Variants in ABCC4 observed in about 807,000 individuals in gnomAD.
The protein encoded by ABCC4 is ATP binding cassette subfamily C member 4 (PEL blood group).
A neutral mutation model predicts 168.5 loss-of-function variants in ABCC4; 102 were observed. The ratio of observed to expected loss-of-function variants is 0.61; its 90% confidence interval spans 0.52 to 0.71. ABCC4 has a LOEUF of 0.71. Among genes scored for constraint, ABCC4 ranks in the 30% least tolerant of loss-of-function variants. The pLI, the probability that ABCC4 is intolerant of heterozygous loss-of-function variation, is 0.00. For missense variants in ABCC4, 1,402 were observed against 1,605.8 expected (o/e 0.87, Z 2.17); for synonymous variants, 617 against 590.7 (o/e 1.04, Z -0.65).
At chr13:95,235,479 TACAA>T (rs2039740176) in intron 3 of ABCC4, among the ~76,000 whole-genome samples, 2 of 152,134 alleles carry the variant, frequency 1.3e-5, no homozygotes, top group African/African-American at 4.8e-5. Flanking sequence ...GGAATTTGCT[TACAA>T]ACAGACACCC....
intron 30 of ABCC4, among the ~76,000 whole-genome samples, chr13:95,022,148 T>G (rs145361918): frequency 1.3e-5 from 2 of 152,248 alleles, no homozygotes; most frequent in Admixed American, 6.5e-5. Flanking sequence ...ATTGAAATGC[T>G]GGCATATACG....
intron 1 of ABCC4, among the ~76,000 whole-genome samples, 187 bp downstream of exon 1, chr13:95,301,054 C>A (rs2138982133): frequency 6.6e-6 from 1 of 152,168 alleles, no homozygotes; most frequent in Admixed American, 6.5e-5. Flanking sequence ...CAGGCAGGGA[C>A]CACGCGGCCG....
intron 2 of ABCC4, 21 bp from the exon 3 acceptor site, chr13:95,247,116 C>T (rs201518360): frequency 3.1e-6 from 5 of 1,605,708 alleles, no homozygotes; most frequent in African/African-American, 2.7e-5. Flanking sequence ...GAAAAAGCTT[C>T]GTAAATAAGA....
intron 4 of ABCC4, among the ~76,000 whole-genome samples, chr13:95,211,905 C>A (rs1446515470): frequency 6.6e-6 from 1 of 152,182 alleles, no homozygotes; most frequent in East Asian, 1.9e-4. Flanking sequence ...AATGGCCGGG[C>A]GCGGTGGCTC....
chr13:95,217,132 C>T (rs1027656532), intron 4 of ABCC4, among the ~76,000 whole-genome samples: 4 of 152,178 alleles, frequency 2.6e-5, no homozygotes, highest in Non-Finnish European at 1.5e-5. Flanking sequence ...CAAGGAAATA[C>T]ATTTGAGATT....
At chr13:95,263,785 T>A (rs1383075525) in intron 1 of ABCC4, among the ~76,000 whole-genome samples, 4 of 151,510 alleles carry the variant, frequency 2.6e-5, no homozygotes, top group African/African-American at 9.7e-5. Context: ...ATCGTGCCAC[T>A]GTACTTCAGC....
At position 95,103,869 on chromosome 13, in the gene ABCC4, T is replaced by C. The variant is rs548317171; in HGVS notation, c.2535+12053A>G. ...CTCCTCTAATGCCTTGTCTCAAACC[T>C]CCTGATGCAGCTATTCCACACTGCA... On this transcript the variant is annotated intron_variant, in intron 20 of 30. Transcript: ENST00000645237. 2.6e-5 allele frequency among the ~76,000 whole-genome samples: 4 copies of C among 152,206 alleles called. No homozygotes were observed. In the East Asian group the frequency reaches 7.7e-4, roughly 29 times the overall value.
intron 19 of ABCC4, among the ~76,000 whole-genome samples, chr13:95,147,480 C>A (rs2036538860): frequency 6.6e-6 from 1 of 152,034 alleles, no homozygotes. Context: ...GAAAGATTGC[C>A]CAGAATTAAC....
intron 1 of ABCC4, among the ~76,000 whole-genome samples, chr13:95,256,590 G>A (rs1200282954): frequency 6.6e-5 from 10 of 151,978 alleles, no homozygotes; most frequent in South Asian, 2.1e-4. Flanking sequence ...ACCCTGTCTC[G>A]ACAAAAACAT....
chr13:95,057,343 A>C (rs1189441), intron 26 of ABCC4, among the ~76,000 whole-genome samples: 5 of 152,014 alleles, frequency 3.3e-5, no homozygotes, highest in Admixed American at 3.3e-4. Context: ...GGGTTCAAGC[A>C]ATTCTCCTGC....
chr13:95,177,855 G>A, intron 12 of ABCC4, 62 bp from the exon 13 acceptor site: 2 of 1,528,230 alleles, frequency 1.3e-6, no homozygotes, highest in South Asian at 2.3e-5. Context: ...CAACAACTGG[G>A]ATGTTCATTC....
In ABCC4 at chr13:95,069,632, C is replaced by T. The variant is rs545591516; in HGVS notation, c.3210+2030G>A. On this transcript the variant is annotated intron_variant, in intron 25 of 30. Coordinates refer to ENST00000645237, the MANE Select transcript of ABCC4 (RefSeq NM_005845.5). ...CTAATGCCCATTCCCCTACCCCTGC[C>T]GCCCACCATCCTACTTTCTGTCTCC... Among the ~76,000 whole-genome samples the T allele has an allele frequency of 3.2e-4, 49 of 152,222 alleles. No individual in the cohort carries two copies. In the South Asian group the frequency reaches 9.7e-3, roughly 30 times the overall value.
At chr13:95,023,418 G>A (rs188526946) in intron 30 of ABCC4, among the ~76,000 whole-genome samples, 11 of 152,244 alleles carry the variant, frequency 7.2e-5, no homozygotes, top group Admixed American at 2.0e-4. Context: ...CTTTTTTACA[G>A]TGCAGGTGAT....
intron 26 of ABCC4, among the ~76,000 whole-genome samples, chr13:95,062,299 C>T (rs1026874476): frequency 2.0e-5 from 3 of 152,126 alleles, no homozygotes; most frequent in African/African-American, 7.2e-5. Flanking sequence ...TGGAGGTAAT[C>T]ACCTTTGAGA....
At chr13:95,044,512 G>A in intron 27 of ABCC4, 74 bp from the exon 28 acceptor site, 1 of 1,331,074 alleles carries the variant, frequency 7.5e-7, no homozygotes, top group Non-Finnish European at 1.0e-6. Flanking sequence ...ATAGACATTA[G>A]AACCTTCAAG....
At chr13:95,292,399 C>A (rs2041425205) in intron 1 of ABCC4, among the ~76,000 whole-genome samples, 1 of 152,096 alleles carries the variant, frequency 6.6e-6, no homozygotes. Flanking sequence ...TGATAGCTGT[C>A]TTTGAATACT....
At chr13:95,074,508 C>A (rs375968724) in intron 22 of ABCC4, among the ~76,000 whole-genome samples, 184 bp from the exon 23 acceptor site, 7 of 152,214 alleles carry the variant, frequency 4.6e-5, no homozygotes, top group African/African-American at 1.7e-4. Context: ...CACAATGGTA[C>A]CGTGGCTTTC....
intron 30 of ABCC4, among the ~76,000 whole-genome samples, chr13:95,030,162 A>T (rs561799243): frequency 6.6e-6 from 1 of 152,282 alleles, no homozygotes; most frequent in East Asian, 1.9e-4. Flanking sequence ...CTGAGATTAC[A>T]AGCATGCGCC....
intron 4 of ABCC4, among the ~76,000 whole-genome samples, chr13:95,218,934 A>G (rs2039212991): frequency 4.3e-5 from 1 of 23,146 alleles, no homozygotes; most frequent in Non-Finnish European, 1.0e-4. Context: ...AAAGAGAAAG[A>G]AAGAAAGAAA....
Sources: allele counts gnomAD v4.1 joint callset (sites outside exome capture counted in the v4.1 genomes callset), GRCh38; gene constraint gnomAD v4.1.1; transcripts MANE v1.5; gene names NCBI Gene and HGNC (gene_info 2026-07-23, HGNC 2026-07-21).